The following CDKL5 variants were observed in gnomAD, a reference collection of about 807,000 sequenced individuals.
CDKL5 encodes cyclin-dependent kinase-like 5.
A neutral mutation model predicts 61.7 loss-of-function variants in CDKL5; 8 were observed. That is an observed-to-expected ratio of 0.13 (90% CI 0.08 to 0.23). The LOEUF (loss-of-function observed/expected upper bound fraction) is 0.23. CDKL5 is among the 10% of genes least tolerant of loss of function. The pLI is 1.00. For synonymous variants in CDKL5, 275 were observed against 272.3 expected, an observed-to-expected ratio of 1.01 and a Z score of -0.10; for missense variants, 440 against 734.5, an observed-to-expected ratio of 0.60 and a Z score of 4.63.
intron 3 of CDKL5, among the ~76,000 whole-genome samples, chrX:18,513,471 A>G (rs1022225756): frequency 1.8e-5 from 2 of 110,638 alleles, no homozygotes; most frequent in East Asian, 2.8e-4. Context: ...GTCTGAAGAG[A>G]TAGAAGAATA....
intron 11 of CDKL5, among the ~76,000 whole-genome samples, chrX:18,600,040 C>T (rs1313442920): frequency 9.0e-6 from 1 of 111,544 alleles, no homozygotes; most frequent in Admixed American, 9.5e-5. Context: ...TCAAGCGATT[C>T]GCCTGCCTCA....
At position 18,632,284 on chromosome X, in the gene CDKL5, G is replaced by A. The variant is rs1409619499; in HGVS notation, c.*3527G>A. The A allele has an allele frequency of 1.1e-5, 8 of 751,707 alleles. No homozygotes were observed. In the East Asian group the frequency reaches 1.1e-3, roughly 100 times the overall value. 61.9% of individuals were successfully genotyped at this position (751,707 alleles called of 1,213,427 possible). The stretch of plus-strand genomic sequence containing the variant: ...CATTGTCTTGGGCCTGCTAAAAGGT[G>A]CATACTTTGGAAGGAGACCAGAGTT... On this transcript the variant is annotated 3_prime_UTR_variant, in exon 18 of 18. Transcript: ENST00000623535.
intron 1 of CDKL5, among the ~76,000 whole-genome samples, chrX:18,484,700 G>A (rs371276075): frequency 9.2e-6 from 1 of 109,195 alleles, no homozygotes; most frequent in Admixed American, 9.8e-5. Flanking sequence ...TCTTTTTTTT[G>A]TTTGTTTTTG....
intron 3 of CDKL5, among the ~76,000 whole-genome samples, chrX:18,525,533 T>G (rs937493712): frequency 1.8e-5 from 2 of 111,448 alleles, no homozygotes; most frequent in African/African-American, 6.5e-5. Flanking sequence ...TCTTGATTAC[T>G]GTAGTTTTGT....
chrX:18,442,702 G>C (rs550183370), intron 1 of CDKL5, among the ~76,000 whole-genome samples: 2 of 111,060 alleles, frequency 1.8e-5, no homozygotes, highest in African/African-American at 6.5e-5. Flanking sequence ...CACCATGTTA[G>C]CCAGGATGAT....
intron 11 of CDKL5, among the ~76,000 whole-genome samples, chrX:18,600,222 G>C (rs1353662996): frequency 8.9e-6 from 1 of 112,028 alleles, no homozygotes; most frequent in Non-Finnish European, 1.9e-5. Flanking sequence ...AACTGTGATA[G>C]TATAATTGTG....
intron 1 of CDKL5, among the ~76,000 whole-genome samples, chrX:18,481,009 C>T (rs1328688817): frequency 9.1e-6 from 1 of 109,611 alleles, no homozygotes; most frequent in Non-Finnish European, 1.9e-5. Context: ...AGGTGTGTGC[C>T]ACCACGCCTG....
At chrX:18,466,831 C>G (rs1292134020) in intron 1 of CDKL5, among the ~76,000 whole-genome samples, 1 of 111,328 alleles carries the variant, frequency 9.0e-6, no homozygotes, top group Non-Finnish European at 1.9e-5. Context: ...AGTCCTTGTT[C>G]TTATGAGCCT....
At chrX:18,598,735 C>A in intron 11 of CDKL5, 122 bp downstream of exon 11, 1 of 656,262 alleles carries the variant, frequency 1.5e-6, no homozygotes, top group East Asian at 3.4e-5. Flanking sequence ...TCAAAAATAT[C>A]TTCCTTATGC....
At chrX:18,481,979 T>C (rs1921599357) in intron 1 of CDKL5, among the ~76,000 whole-genome samples, 1 of 110,568 alleles carries the variant, frequency 9.0e-6, no homozygotes, top group Non-Finnish European at 1.9e-5. Flanking sequence ...TCACTGGGCA[T>C]AGAGCTGGGG....
chrX:18,509,245 A>ACCC (rs1555940263), intron 2 of CDKL5, among the ~76,000 whole-genome samples: 1 of 95,350 alleles, frequency 1.0e-5, no homozygotes, highest in African/African-American at 3.8e-5. Flanking sequence ...ACACACACAC[A>ACCC]CCCCTGTCAA....
intron 3 of CDKL5, among the ~76,000 whole-genome samples, chrX:18,526,033 C>A (rs1923429180): frequency 8.9e-6 from 1 of 112,207 alleles, no homozygotes; most frequent in Non-Finnish European, 1.9e-5. Context: ...AGGCGTGAGC[C>A]ACCGCACCCG....
At chrX:18,564,227 T>C (rs763102362) in intron 3 of CDKL5, among the ~76,000 whole-genome samples, 92 of 111,708 alleles carry the variant, frequency 8.2e-4, no homozygotes, top group African/African-American at 2.9e-3. Flanking sequence ...ACGCATATTC[T>C]GTCACCATAT....
chrX:18,535,461 AAAG>A (rs1375888100), intron 3 of CDKL5: 5 of 112,133 alleles, frequency 4.5e-5, no homozygotes, highest in African/African-American at 1.6e-4. Flanking sequence ...GAATTGAAAT[AAAG>A]AAGTTCAAGT....
At chrX:18,523,476 A>G (rs932625236) in intron 3 of CDKL5, among the ~76,000 whole-genome samples, 2 of 112,218 alleles carry the variant, frequency 1.8e-5, no homozygotes, top group Non-Finnish European at 3.8e-5. Flanking sequence ...ATATGACTGA[A>G]CAATATTGGA....
At chrX:18,546,364 T>G (rs1924199798) in intron 3 of CDKL5, among the ~76,000 whole-genome samples, 1 of 106,239 alleles carries the variant, frequency 9.4e-6, no homozygotes, top group South Asian at 4.4e-4. Context: ...CAGGTTCAAA[T>G]GATTCTTCTG....
chrX:18,488,958 A>G (rs746975845), intron 1 of CDKL5, among the ~76,000 whole-genome samples: 4 of 111,663 alleles, frequency 3.6e-5, no homozygotes, highest in Non-Finnish European at 7.5e-5. Context: ...CAGGCCCTGA[A>G]AGAAATAGAA....
chrX:18,646,999 C>G (rs1358787153), intron 20 of CDKL5, among the ~76,000 whole-genome samples: 1 of 109,315 alleles, frequency 9.1e-6, no homozygotes, highest in East Asian at 2.9e-4. Context: ...TCACTGTAAC[C>G]TCCGCTTCCC....
Position 18,492,499 on chromosome X carries a change from C to G in CDKL5, c.-162-14436C>G, listed in dbSNP as rs1260022284. ...ACTTGACAAATGGAACCTTGGATTT[C>G]TATCCTTCCTTTAACCTCCTTCTCT... On this transcript the variant is annotated intron_variant, in intron 1 of 17. Coordinates refer to ENST00000623535, the MANE Select transcript of CDKL5 (RefSeq NM_001323289.2). Among the ~76,000 whole-genome samples, 5 of 111,047 alleles carry G rather than the reference C, an allele frequency of 4.5e-5. No homozygotes were observed. In the East Asian group the frequency reaches 1.1e-3, roughly 25 times the overall value.
Sources: gnomAD v4.1 joint callset for allele counts (sites outside exome capture counted in the v4.1 genomes callset) on GRCh38, gnomAD v4.1.1 for gene constraint, MANE v1.5 for transcripts, NCBI Gene and HGNC (gene_info 2026-07-23, HGNC 2026-07-21) for gene names.